IMMP2L: variants seen among roughly 807,000 people sequenced by gnomAD.
IMMP2L encodes inner mitochondrial membrane peptidase subunit 2.
Under a neutral mutation model 19.3 loss-of-function variants are expected in IMMP2L, and 18 were observed. That is an observed-to-expected ratio of 0.93 (90% CI 0.64 to 1.38). The LOEUF is 1.38. IMMP2L is among the 40% of genes most tolerant of loss of function. IMMP2L has a pLI of 0.00. For synonymous variants in IMMP2L, 76 were observed against 73.0 expected, an observed-to-expected ratio of 1.04 and a Z score of -0.21; for missense variants, 233 against 218.2, an observed-to-expected ratio of 1.07 and a Z score of -0.43.
At chr7:110,665,960 T>C (rs1584439695) in intron 5 of IMMP2L, among the ~76,000 whole-genome samples, 1 of 152,230 alleles carries the variant, frequency 6.6e-6, no homozygotes, top group African/African-American at 2.4e-5. Context: ...TTCCTTCTTT[T>C]GCATTTATTA....
chr7:110,986,273 C>G (rs1821841834), intron 3 of IMMP2L, among the ~76,000 whole-genome samples: 1 of 152,092 alleles, frequency 6.6e-6, no homozygotes. Context: ...TTCTAGGACC[C>G]TGTTACACCA....
At chr7:110,755,378 G>C (rs1415733272) in intron 5 of IMMP2L, among the ~76,000 whole-genome samples, 2 of 151,906 alleles carry the variant, frequency 1.3e-5, no homozygotes, top group Non-Finnish European at 1.5e-5. Context: ...TTAACAGACT[G>C]GTTATTTAAA....
chr7:110,672,732 C>A (rs1205351241), intron 5 of IMMP2L, among the ~76,000 whole-genome samples: 2 of 152,170 alleles, frequency 1.3e-5, no homozygotes, highest in Admixed American at 6.5e-5. Flanking sequence ...AGTCATTAAA[C>A]CTTACAGTTC....
chr7:110,693,882 A>G (rs898675690), intron 5 of IMMP2L, among the ~76,000 whole-genome samples: 5 of 152,156 alleles, frequency 3.3e-5, no homozygotes, highest in African/African-American at 1.2e-4. Flanking sequence ...TTTCTGGGGT[A>G]CTTGTGGTAG....
At chr7:111,131,885 A>G (rs1801883037) in intron 3 of IMMP2L, among the ~76,000 whole-genome samples, 1 of 151,892 alleles carries the variant, frequency 6.6e-6, no homozygotes, top group African/African-American at 2.4e-5. Context: ...AAAAAAATAA[A>G]AAACCAAATG....
At chr7:111,539,692 A>T (rs1848347734) in intron 1 of IMMP2L, among the ~76,000 whole-genome samples, 1 of 151,758 alleles carries the variant, frequency 6.6e-6, no homozygotes, top group African/African-American at 2.4e-5. Context: ...GGTTCACTAC[A>T]TTAAAATAAG....
Position 110,786,379 on chromosome 7 carries a change from A to G in IMMP2L, c.408+100214T>C, listed in dbSNP as rs1800078868. 3.9e-5 allele frequency among the ~76,000 whole-genome samples: 6 copies of G among 152,078 alleles called. No individual in the cohort carries two copies. The South Asian group carries it at 1.2e-3, about 32-fold the overall frequency. The stretch of plus-strand genomic sequence containing the variant: ...GAGAACAGATGAGAGTTCAAATAGG[A>G]TCTGTTTTATCTTTTCACGGAGTAA... On this transcript the variant is annotated intron_variant, in intron 5 of 5. Transcript: ENST00000405709.
At chr7:111,420,212 T>G (rs1835355181) in intron 3 of IMMP2L, among the ~76,000 whole-genome samples, 1 of 151,808 alleles carries the variant, frequency 6.6e-6, no homozygotes. Flanking sequence ...TAATAGAAAT[T>G]AAATACTTAA....
At chr7:110,836,570 A>C (rs1804501992) in intron 5 of IMMP2L, among the ~76,000 whole-genome samples, 1 of 152,122 alleles carries the variant, frequency 6.6e-6, no homozygotes, top group South Asian at 2.1e-4. Context: ...GCCACATGGA[A>C]CTGAAAGCCC....
intron 5 of IMMP2L, among the ~76,000 whole-genome samples, chr7:110,808,547 G>T (rs374018992): frequency 3.3e-5 from 5 of 152,106 alleles, no homozygotes; most frequent in African/African-American, 1.2e-4. Context: ...GTCCAGGGCT[G>T]TGCACAGGGG....
chr7:111,485,913 C>A (rs551426879), intron 3 of IMMP2L, among the ~76,000 whole-genome samples: 1 of 152,092 alleles, frequency 6.6e-6, no homozygotes, highest in Admixed American at 6.5e-5. Flanking sequence ...CAATTGTCTG[C>A]GTATAGTGTG....
At chr7:111,021,988 C>A (rs1736659102) in intron 3 of IMMP2L, among the ~76,000 whole-genome samples, 1 of 152,178 alleles carries the variant, frequency 6.6e-6, no homozygotes, top group South Asian at 2.1e-4. Flanking sequence ...CCTCCCATGA[C>A]ATGTGGGAAT....
At chr7:110,709,793 CG>C (rs1794839502) in intron 5 of IMMP2L, among the ~76,000 whole-genome samples, 1 of 8,146 alleles carries the variant, frequency 1.2e-4, no homozygotes, top group Non-Finnish European at 2.2e-4. Context: ...AGTTTATTTG[CG>C]TAGAGGTGTT....
chr7:110,700,686 G>A (rs532002141), intron 5 of IMMP2L, among the ~76,000 whole-genome samples: 42 of 152,238 alleles, frequency 2.8e-4, no homozygotes, highest in African/African-American at 9.6e-4. Flanking sequence ...TCTAACTTGA[G>A]GTTAGCATCT....
rs763807435 is a variant in IMMP2L at position 110,794,574 on chromosome 7, G to C, written c.408+92019C>G. Among the ~76,000 whole-genome samples the C allele has an allele frequency of 3.3e-5, 5 of 151,966 alleles. No individual in the cohort carries two copies. The East Asian group carries it at 9.7e-4, about 29-fold the overall frequency. ...TCCTATTTTTGAGTTAAGACATTTA[G>C]GATATTAAGCTTGGAAAAAACCAAT... On this transcript the variant is annotated intron_variant, in intron 5 of 5. Transcript: ENST00000405709.
intron 3 of IMMP2L, among the ~76,000 whole-genome samples, chr7:111,265,376 C>CT (rs1445063566): frequency 6.6e-6 from 1 of 152,168 alleles, no homozygotes; most frequent in Non-Finnish European, 1.5e-5. Context: ...GTTGAGATCT[C>CT]TGATTCTCAA....
intron 3 of IMMP2L, among the ~76,000 whole-genome samples, chr7:111,316,784 T>C (rs936625008): frequency 6.6e-6 from 1 of 151,694 alleles, no homozygotes; most frequent in Non-Finnish European, 1.5e-5. Flanking sequence ...TCACATATAT[T>C]ATCTCTGTCA....
At chr7:111,365,260 C>T (rs1342430481) in intron 3 of IMMP2L, among the ~76,000 whole-genome samples, 1 of 152,064 alleles carries the variant, frequency 6.6e-6, no homozygotes, top group Non-Finnish European at 1.5e-5. Flanking sequence ...TTATTTGAAA[C>T]TGTTCAGGTT....
intron 1 of IMMP2L, among the ~76,000 whole-genome samples, chr7:111,534,270 A>G (rs1847670112): frequency 6.6e-6 from 1 of 152,138 alleles, no homozygotes; most frequent in South Asian, 2.1e-4. Flanking sequence ...CCAAATGTTC[A>G]CAAATATGTA....
Sources: gnomAD v4.1 joint callset for allele counts (sites outside exome capture counted in the v4.1 genomes callset) on GRCh38, gnomAD v4.1.1 for gene constraint, MANE v1.5 for transcripts, NCBI Gene and HGNC (gene_info 2026-07-23, HGNC 2026-07-21) for gene names.